SSBP2: variants seen among roughly 807,000 people sequenced by gnomAD.
SSBP2 encodes the protein single stranded DNA binding protein 2.
SSBP2 carries 17 observed loss-of-function variants against 61.8 expected under a neutral mutation model. The observed-to-expected ratio is 0.28, with a 90% confidence interval of 0.19 to 0.41. The LOEUF is 0.41. SSBP2 is among the 10% of genes least tolerant of loss of function. SSBP2 has a pLI of 1.00. For synonymous variants in SSBP2, 139 were observed against 141.3 expected (o/e 0.98, Z 0.12); for missense variants, 310 against 458.7 (o/e 0.68, Z 2.96).
chr5:81,459,531 G>A (rs1015129304), intron 10 of SSBP2, among the ~76,000 whole-genome samples: 1 of 152,302 alleles, frequency 6.6e-6, no homozygotes, highest in African/African-American at 2.4e-5. Flanking sequence ...GTGCTTCTAG[G>A]TGGGAAGGTT....
chr5:81,472,333 C>T (rs964643878), intron 8 of SSBP2, among the ~76,000 whole-genome samples: 1 of 152,128 alleles, frequency 6.6e-6, no homozygotes, highest in Non-Finnish European at 1.5e-5. Flanking sequence ...AAAATGTCAC[C>T]AACAGCTAGG....
At chr5:81,435,361 A>G (rs1235911823) in intron 15 of SSBP2, among the ~76,000 whole-genome samples, 18 of 152,178 alleles carry the variant, frequency 1.2e-4, no homozygotes, top group Non-Finnish European at 1.5e-5. Context: ...CTAAGAATAA[A>G]CCACTTGAGG....
intron 5 of SSBP2, among the ~76,000 whole-genome samples, chr5:81,493,352 A>G (rs1453559572): frequency 6.6e-6 from 1 of 151,902 alleles, no homozygotes; most frequent in African/African-American, 2.4e-5. Context: ...TGCCATGATC[A>G]TGGCTCCCTG....
chr5:81,456,197 T>C (rs761008355), intron 10 of SSBP2, among the ~76,000 whole-genome samples: 13 of 152,202 alleles, frequency 8.5e-5, no homozygotes, highest in Non-Finnish European at 1.5e-4. Flanking sequence ...TCACTATTAA[T>C]AGATGCATAT....
At chr5:81,600,122 T>C (rs1465185288) in intron 4 of SSBP2, among the ~76,000 whole-genome samples, 1 of 152,124 alleles carries the variant, frequency 6.6e-6, no homozygotes, top group Admixed American at 6.6e-5. Flanking sequence ...AACTGCCTTG[T>C]TAAATGTAAC....
intron 4 of SSBP2, among the ~76,000 whole-genome samples, chr5:81,578,667 AAAGT>A (rs1168305326): frequency 2.0e-5 from 3 of 151,994 alleles, no homozygotes; most frequent in African/African-American, 4.8e-5. Context: ...GTAAATTATA[AAAGT>A]AAGTTATAAA....
Position 81,542,894 on chromosome 5 carries a change from G to A in SSBP2, c.283-29177C>T, listed in dbSNP as rs143359884. The stretch of plus-strand genomic sequence containing the variant: ...TTTTGAGACAGAGTCTGGCTCTGTC[G>A]GCCAGGCTGGAGTGCACTGGCACAA... On this transcript the variant is annotated intron_variant, in intron 4 of 16. Transcript: ENST00000320672. Among the ~76,000 whole-genome samples, 48 of 140,628 alleles carry A rather than the reference G, an allele frequency of 3.4e-4. 2 individuals are homozygous for A. The East Asian group carries it at 8.0e-3, about 23-fold the overall frequency. The allele number at this position is 140,628 out of a possible 152,430, so 92.3% of individuals were successfully genotyped here. A position where few individuals can be genotyped will look rare whatever the true frequency, so the allele number is the denominator to read the frequency against.
chr5:81,542,126 AAAG>A (rs1771319928), intron 4 of SSBP2, among the ~76,000 whole-genome samples: 1 of 152,232 alleles, frequency 6.6e-6, no homozygotes, highest in African/African-American at 2.4e-5. Context: ...ACACTTCTCA[AAAG>A]AAGACATACA....
At chr5:81,721,935 C>A (rs942546090) in intron 1 of SSBP2, among the ~76,000 whole-genome samples, 43 of 152,032 alleles carry the variant, frequency 2.8e-4, no homozygotes, top group Non-Finnish European at 5.0e-4. Context: ...TGCTTCATCC[C>A]TATACTGGTC....
chr5:81,714,391 G>A (rs1209125542), intron 1 of SSBP2, among the ~76,000 whole-genome samples: 1 of 152,104 alleles, frequency 6.6e-6, no homozygotes, highest in Admixed American at 6.5e-5. Context: ...CTTTATAGTA[G>A]AATGATTTAT....
At chr5:81,665,999 G>T (rs1288495163) in intron 1 of SSBP2, among the ~76,000 whole-genome samples, 2 of 152,202 alleles carry the variant, frequency 1.3e-5, no homozygotes, top group Non-Finnish European at 2.9e-5. Flanking sequence ...ACTGTGAGTA[G>T]TTATAGCAGT....
At chr5:81,434,496 G>A (rs1762543004) in intron 15 of SSBP2, among the ~76,000 whole-genome samples, 1 of 151,920 alleles carries the variant, frequency 6.6e-6, no homozygotes, top group African/African-American at 2.4e-5. Context: ...GTCTCTACAG[G>A]CACATGCCTG....
At chr5:81,548,659 A>T (rs1189393060) in intron 4 of SSBP2, among the ~76,000 whole-genome samples, 2 of 152,198 alleles carry the variant, frequency 1.3e-5, no homozygotes, top group Non-Finnish European at 2.9e-5. Flanking sequence ...ACAGTGGCTC[A>T]CGCCTGTAAT....
intron 2 of SSBP2, among the ~76,000 whole-genome samples, chr5:81,643,835 T>C (rs1314151018): frequency 6.6e-6 from 1 of 152,046 alleles, no homozygotes; most frequent in Non-Finnish European, 1.5e-5. Context: ...ACTCCTGACC[T>C]CATGCAATCT....
chr5:81,607,209 G>A (rs900081713), intron 4 of SSBP2, among the ~76,000 whole-genome samples: 3 of 151,996 alleles, frequency 2.0e-5, no homozygotes, highest in Admixed American at 6.6e-5. Flanking sequence ...GCAAAAATAG[G>A]ATAATGATGA....
intron 4 of SSBP2, among the ~76,000 whole-genome samples, chr5:81,605,474 C>G (rs1050839028): frequency 2.0e-5 from 3 of 152,032 alleles, no homozygotes; most frequent in Non-Finnish European, 2.9e-5. Context: ...TATTACTATT[C>G]TAGTCTTTCA....
intron 6 of SSBP2, among the ~76,000 whole-genome samples, chr5:81,476,322 C>A (rs1382887902): frequency 6.6e-6 from 1 of 152,070 alleles, no homozygotes; most frequent in Non-Finnish European, 1.5e-5. Flanking sequence ...TTTCTTTTTT[C>A]TTTCTGGTAC....
rs537791505 is a variant in SSBP2 at position 81,687,514 on chromosome 5, G to A, written c.63-37175C>T. 1.4e-4 allele frequency among the ~76,000 whole-genome samples: 22 copies of A among 152,328 alleles called. No homozygotes were observed. In the South Asian group the frequency reaches 3.5e-3, roughly 24 times the overall value. On this transcript the variant is annotated intron_variant, in intron 1 of 16. Transcript: ENST00000320672. ...TATGACCCAGTGAGACACCAGCCAG[G>A]GTGGCCAAGGGAGTACTTGTACCAC...
At chr5:81,657,299 G>C (rs893165144) in intron 1 of SSBP2, among the ~76,000 whole-genome samples, 1 of 152,092 alleles carries the variant, frequency 6.6e-6, no homozygotes, top group Non-Finnish European at 1.5e-5. Context: ...AATTATAGCA[G>C]TGAAAAACTG....
Sources: allele counts gnomAD v4.1 joint callset (sites outside exome capture counted in the v4.1 genomes callset), GRCh38; gene constraint gnomAD v4.1.1; transcripts MANE v1.5; gene names NCBI Gene and HGNC (gene_info 2026-07-23, HGNC 2026-07-21).